MYSM1: variants seen among roughly 807,000 people sequenced by gnomAD.
MYSM1 encodes Myb like, SWIRM and MPN domains 1, also known as deubiquitinase MYSM1.
Under a neutral mutation model 116.0 loss-of-function variants are expected in MYSM1, and 51 were observed. The observed-to-expected ratio is 0.44, with a 90% CI of 0.35 to 0.56. MYSM1 has a LOEUF of 0.56. Ranked by LOEUF, MYSM1 falls within the 20% of genes least tolerant of loss-of-function variation. The probability of loss-of-function intolerance (pLI) is 0.00; values close to 1 mark genes in which losing one functional copy is unlikely to be tolerated. For synonymous variants in MYSM1, 313 were observed against 315.2 expected (o/e 0.99, Z 0.07); for missense variants, 900 against 974.9 (o/e 0.92, Z 1.02).
intron 7 of MYSM1, 95 bp downstream of exon 7, chr1:58,685,058 C>G (rs1007310704): frequency 1.0e-5 from 10 of 987,448 alleles, no homozygotes; most frequent in Non-Finnish European, 1.3e-5. Flanking sequence ...AAAACTTTTA[C>G]CAGTAAGACT....
intron 8 of MYSM1, among the ~76,000 whole-genome samples, chr1:58,677,930 A>T (rs1644678102): frequency 6.6e-6 from 1 of 152,162 alleles, no homozygotes; most frequent in African/African-American, 2.4e-5. Context: ...AAATTTAGGT[A>T]TTCAGATATC....
intron 16 of MYSM1, among the ~76,000 whole-genome samples, chr1:58,666,271 A>T (rs1479684244): frequency 6.6e-6 from 1 of 152,204 alleles, no homozygotes; most frequent in Non-Finnish European, 1.5e-5. Context: ...ATACAGTAAT[A>T]ATTTACAAAT....
intron 12 of MYSM1, 127 bp from the exon 13 acceptor site, chr1:58,669,165 G>A: frequency 1.6e-6 from 1 of 639,092 alleles, no homozygotes; most frequent in South Asian, 2.3e-5. Context: ...AGTTTTGTAG[G>A]AAATTCCATA....
chr1:58,661,369 C>A, intron 18 of MYSM1, 37 bp downstream of exon 18: 1 of 1,355,218 alleles, frequency 7.4e-7, no homozygotes, highest in South Asian at 1.2e-5. Flanking sequence ...ATGAGCAACA[C>A]TGCAGATGTG....
In MYSM1 at chr1:58,682,185, C is replaced by A; in HGVS notation, c.859G>T (p.Glu287Ter). ...RGCLQNEKQDETLSSSEITLW... is the reference protein window; with the variant it reads ...RGCLQNEKQD Reference sequence around the variant, plus strand: ...GTAATTTCTGAGCTTGAAAGTGTTTCATCTTGCTTTTCATTTTGAAGACAG... The same window carrying A: ...GTAATTTCTGAGCTTGAAAGTGTTTAATCTTGCTTTTCATTTTGAAGACAG... The change falls in exon 8 of 20, where the codon GAA becomes TAA. Residue 287 changes from glutamate to a stop codon, truncating the protein, a stop_gained. Coordinates refer to ENST00000472487, the MANE Select transcript of MYSM1 (RefSeq NM_001085487.3). LOFTEE classifies it high-confidence loss of function. 6.2e-7 allele frequency: 1 copy of A among 1,612,790 alleles called. No individual in the cohort carries two copies.
In MYSM1 at chr1:58,667,176, C is replaced by T; in HGVS notation, c.1893G>A (p.Glu631=). Residue 631 remains glutamate, a synonymous_variant, in exon 16 of 20, where the codon GAG becomes GAA. Coordinates refer to ENST00000472487, the MANE Select transcript of MYSM1 (RefSeq NM_001085487.3). ...CCTGTGTTTGTGATACAGGATCCAT[C>T]TCACACTGTAGTCCTGTACTCAGAC... ...CNSLSTGLQC[E]MDPVSQTQAS... The T allele has an allele frequency of 6.2e-7, 1 of 1,612,360 alleles. No homozygotes were observed. The highest frequency in any genetic ancestry group is 8.5e-7 in the Non-Finnish European group (1 of 1,178,936).
Position 58,661,302 on chromosome 1 carries a change from G to A in MYSM1, c.2271-75C>T, listed in dbSNP as rs1157103225. On this transcript the variant is annotated intron_variant, in intron 18 of 19. Coordinates refer to ENST00000472487, the MANE Select transcript of MYSM1 (RefSeq NM_001085487.3). ...AATCAGTTTCATAATAAACTATCAC[G>A]GATGCCATACATCACAATTTTATAT... is the stretch of plus-strand genomic sequence containing the variant. The A allele has an allele frequency of 1.3e-5, 18 of 1,357,420 alleles. No homozygotes were observed. In the East Asian group the frequency reaches 1.4e-4, roughly 10 times the overall value. The allele number at this position is 1,357,420 out of a possible 1,614,324, so 84.1% of individuals were successfully genotyped here. A position where few individuals can be genotyped will look rare whatever the true frequency, so the allele number is the denominator to read the frequency against.
At chr1:58,689,182 A>G (rs996486915) in intron 5 of MYSM1, 66 bp from the exon 6 acceptor site, 1 of 1,240,022 alleles carries the variant, frequency 8.1e-7, no homozygotes, top group African/African-American at 1.5e-5. Flanking sequence ...TTATGTAACT[A>G]AAGGTTATAG....
chr1:58,669,854 A>C (rs1401192287), intron 12 of MYSM1, among the ~76,000 whole-genome samples: 1 of 148,920 alleles, frequency 6.7e-6, no homozygotes, highest in African/African-American at 2.5e-5. Flanking sequence ...AAAAAAAAAA[A>C]AAAAAAAACA....
intron 7 of MYSM1, among the ~76,000 whole-genome samples, chr1:58,683,561 C>G (rs2100654149): frequency 6.6e-6 from 1 of 151,922 alleles, no homozygotes; most frequent in African/African-American, 2.4e-5. Flanking sequence ...GTAACAACAA[C>G]AAAAAAAGAT....
rs548026513 is a variant in MYSM1, at chr1:58,661,396, C to T, written c.2270+10G>A. ...GCAGATGTGCAACCATCTCAAACCA[C>T]AGTACATACCTATGGGAGAGCCTGT... On this transcript the variant is annotated intron_variant, in intron 18 of 19. Coordinates refer to ENST00000472487, the MANE Select transcript of MYSM1 (RefSeq NM_001085487.3). The T allele has an allele frequency of 2.0e-5, 30 of 1,492,030 alleles. No individual in the cohort carries two copies. The highest frequency in any genetic ancestry group is 8.5e-5 in the Admixed American group (5 of 58,862). 92.4% of individuals were successfully genotyped at this position (1,492,030 alleles called of 1,614,324 possible).
chr1:58,665,422 T>A, intron 17 of MYSM1, 77 bp downstream of exon 17: 1 of 1,149,310 alleles, frequency 8.7e-7, no homozygotes, highest in South Asian at 1.6e-5. Context: ...TTTTAAACAG[T>A]TGCAAATCTT....
intron 12 of MYSM1, among the ~76,000 whole-genome samples, chr1:58,669,321 C>T (rs1055950089): frequency 6.6e-6 from 1 of 151,948 alleles, no homozygotes; most frequent in African/African-American, 2.4e-5. Flanking sequence ...ATGTCCCACA[C>T]TAAAAGCAGA....
chr1:58,699,729 G>A lies in MYSM1; in HGVS notation c.68+256C>T. ...AATGTAAATCAAACGCAATGTGGTA[G>A]GCGAAATCGGTGCCCTCACAGCATC... On this transcript the variant is annotated intron_variant, in intron 1 of 19. Coordinates refer to ENST00000472487, the MANE Select transcript of MYSM1 (RefSeq NM_001085487.3). 4 of 985,452 alleles carry A rather than the reference G, an allele frequency of 4.1e-6. No individual in the cohort carries two copies. In the South Asian group the frequency reaches 1.4e-4, roughly 35 times the overall value. 61.0% of individuals were successfully genotyped at this position (985,452 alleles called of 1,614,324 possible).
At chr1:58,699,576 CGCCCAA>C (rs1446464840) in intron 1 of MYSM1, 17 of 961,318 alleles carry the variant, frequency 1.8e-5, no homozygotes, top group Middle Eastern at 5.3e-4. Flanking sequence ...TGAAACGACT[CGCCCAA>C]GGTCACACGG....
rs778032807 is a variant in MYSM1 at position 58,682,046 on chromosome 1, A to G, written c.998T>C (p.Val333Ala). ...TGGAGAAGGCAACTGCCTGGCATCA[A>G]CTATTATTCCCCTTCCATCATGCTT... Reference protein sequence around the residue: ...CNKHDGRGIIVDARQLPSPEP... With the variant: ...CNKHDGRGIIADARQLPSPEP... The change falls in exon 8 of 20, where the codon GTT (valine) becomes GCT (alanine). Residue 333 changes from valine (V) to alanine (A), a missense_variant. Physicochemically the swap from Val to Ala is moderately conservative, Grantham distance 64. Coordinates refer to ENST00000472487, the MANE Select transcript of MYSM1 (RefSeq NM_001085487.3). 6.2e-7 allele frequency: 1 copy of G among 1,614,170 alleles called. No individual in the cohort carries two copies. The highest frequency in any genetic ancestry group is 1.1e-5 in the South Asian group (1 of 91,086).
rs754981641 is a variant in MYSM1 at position 58,685,165 on chromosome 1, A to G, written c.486T>C (p.Tyr162=). 1.9e-6 allele frequency: 3 copies of G among 1,590,684 alleles called. No individual in the cohort carries two copies. In the South Asian group the frequency reaches 3.5e-5, roughly 19 times the overall value. ...VLQVKSYARQ[Y]FKNKVKCGLD... is the part of the protein sequence containing the mutation. ...ATATTCTGCTTACCTTATTTTTAAA[A>G]TACTGTCTTGCATAACTCTTCACTT... The change falls in exon 7 of 20, where the codon TAT becomes TAC. Residue 162 remains tyrosine (Y), a synonymous_variant. Coordinates refer to ENST00000472487, the MANE Select transcript of MYSM1 (RefSeq NM_001085487.3).
At position 58,695,155 on chromosome 1, in the gene MYSM1, A is replaced by G. The variant is rs762382863; in HGVS notation, c.121T>C (p.Ser41Pro). 6.2e-7 allele frequency: 1 copy of G among 1,605,598 alleles called. No individual in the cohort carries two copies. The highest frequency in any genetic ancestry group is 1.7e-5 in the Admixed American group (1 of 59,996). The stretch of plus-strand genomic sequence containing the variant: ...ATAAGGCCATTCTCTGTTCTCCAAG[A>G]TGAATCAAGATAGTGATCTTTTTGT... ...VLQKDHYLDSSWRTENGLIPW... is the reference protein window; with the variant it reads ...VLQKDHYLDSPWRTENGLIPW... The change falls in exon 2 of 20, where the codon TCT becomes CCT. Residue 41 changes from serine to proline, a missense_variant. This residue lies in a region of MYSM1 where 622 missense variants were observed against 623.7 expected (regional missense o/e 1.00). Coordinates refer to ENST00000472487, the MANE Select transcript of MYSM1 (RefSeq NM_001085487.3).
intron 1 of MYSM1, among the ~76,000 whole-genome samples, chr1:58,697,421 TA>T (rs955049170): frequency 6.6e-6 from 1 of 152,062 alleles, no homozygotes; most frequent in Non-Finnish European, 1.5e-5. Flanking sequence ...TTAACACTGG[TA>T]AAATTTCATA....
Sources: gnomAD v4.1 joint callset for allele counts (sites outside exome capture counted in the v4.1 genomes callset) on GRCh38, gnomAD v4.1.1 for gene constraint, gnomAD v4.1.1 regional missense constraint, MANE v1.5 for transcripts, NCBI Gene and HGNC (gene_info 2026-07-23, HGNC 2026-07-21) for gene names.